SP1: variants seen among roughly 807,000 people sequenced by gnomAD.
The protein encoded by SP1 is Sp1 transcription factor, also known as transcription factor Sp1.
A neutral mutation model predicts 66.3 loss-of-function variants in SP1; 6 were observed. That is an observed-to-expected ratio of 0.09 (90% confidence interval 0.05 to 0.18). SP1 has a LOEUF of 0.18. Ranked by LOEUF, SP1 falls within the 10% of genes least tolerant of loss-of-function variation. The probability of loss-of-function intolerance (pLI) is 1.00; values close to 1 mark genes in which losing one functional copy is unlikely to be tolerated. For missense variants in SP1, 848 were observed against 964.5 expected, an observed-to-expected ratio of 0.88 and a Z score of 1.60; for synonymous variants, 417 against 360.8, an observed-to-expected ratio of 1.16 and a Z score of -1.77.
rs201937295 is a variant in SP1, at chr12:53,385,912, C to CAA, written c.1675+2305_1675+2306dup. Among the ~76,000 whole-genome samples the CAA allele has an allele frequency of 1.7e-3, 171 of 101,930 alleles. 1 individual carries two copies. Among genetic ancestry groups the CAA allele is most frequent in the African/African-American group, 4.9e-3 (134 of 27,224 alleles). The allele number at this position is 101,930 out of a possible 152,430, so 66.9% of individuals were successfully genotyped here. A position where few individuals can be genotyped will look rare whatever the true frequency, so the allele number is the denominator to read the frequency against. The stretch of plus-strand genomic sequence containing the variant: ...TGGGTGACAGAGTGAGACTCCGTCT[C>CAA]AAAAAAAAAAAAAAAATTGATTATG... On this transcript the variant is annotated intron_variant, in intron 3 of 5. Coordinates refer to ENST00000327443, the MANE Select transcript of SP1 (RefSeq NM_138473.3).
At chr12:53,384,841 C>G (rs185412504) in intron 3 of SP1, among the ~76,000 whole-genome samples, 55 of 151,908 alleles carry the variant, frequency 3.6e-4, no homozygotes, top group African/African-American at 1.3e-3. Context: ...AAAAATTGGC[C>G]GGGTGTGGTG....
chr12:53,384,979 T>C (rs1220513886), intron 3 of SP1, among the ~76,000 whole-genome samples: 1 of 118,978 alleles, frequency 8.4e-6, no homozygotes, highest in African/African-American at 4.8e-5. Context: ...AGTGAGACTC[T>C]GAAAAAAAAA....
In SP1 at chr12:53,413,520, G is replaced by C. The variant is rs1360089914; in HGVS notation, c.*2280G>C. The stretch of plus-strand genomic sequence containing the variant: ...TCCATTTGGTCCTTTCTCCACAGAT[G>C]TAATTATGTTTTCAACTCAGGAACT... On this transcript the variant is annotated 3_prime_UTR_variant, in exon 6 of 6. Transcript: ENST00000327443. The C allele has an allele frequency of 4.6e-5, 7 of 152,590 alleles. No individual in the cohort carries two copies. Among genetic ancestry groups the C allele is most frequent in the Non-Finnish European group, 1.5e-5 (1 of 68,040 alleles). The allele number at this position is 152,590 out of a possible 1,614,324, so 9.5% of individuals were successfully genotyped here.
intron 3 of SP1, among the ~76,000 whole-genome samples, chr12:53,404,150 G>A (rs1383416874): frequency 2.7e-5 from 4 of 149,314 alleles, no homozygotes; most frequent in African/African-American, 9.9e-5. Flanking sequence ...CAGCCTGGGC[G>A]ACAGAGCGAG....
In SP1 at chr12:53,412,930, C is replaced by CTGTGTGTG. The variant is rs57242856; in HGVS notation, c.*1720_*1727dup. ...TGTGAGGAAGTGTGGAAAAATAGCTCTGTGTGTGTGTGTGTGTGTGTGTGT... is the reference window on the plus strand; with the variant it reads ...TGTGAGGAAGTGTGGAAAAATAGCTCTGTGTGTGTGTGTGTGTGTGTGTGTGTGTGTGT... On this transcript the variant is annotated 3_prime_UTR_variant, in exon 6 of 6. Coordinates refer to ENST00000327443, the MANE Select transcript of SP1 (RefSeq NM_138473.3). 145 of 147,438 alleles carry CTGTGTGTG rather than the reference C, an allele frequency of 9.8e-4. 1 individual carries two copies. The highest frequency in any genetic ancestry group is 3.0e-3 in the African/African-American group (122 of 40,042). 9.1% of individuals were successfully genotyped at this position (147,438 alleles called of 1,614,324 possible).
chr12:53,381,062 C>G lies in SP1; in HGVS notation c.8-597C>G, dbSNP rs1242966395. Among the ~76,000 whole-genome samples, 5 of 150,454 alleles carry G rather than the reference C, an allele frequency of 3.3e-5. No homozygotes were observed. In the Admixed American group the frequency reaches 3.3e-4, roughly 10 times the overall value. On this transcript the variant is annotated intron_variant, in intron 1 of 5. Coordinates refer to ENST00000327443, the MANE Select transcript of SP1 (RefSeq NM_138473.3). ...TGCCTCCCGGATTCAGGCGATTCTC[C>G]TGCCTCAGCCTCCGGGAGTAGCTGG...
intron 3 of SP1, among the ~76,000 whole-genome samples, chr12:53,400,626 C>T (rs1938589016): frequency 6.6e-6 from 1 of 151,964 alleles, no homozygotes; most frequent in Non-Finnish European, 1.5e-5. Flanking sequence ...CAGAGCCTTG[C>T]TCCGTCGCCC....
intron 3 of SP1, among the ~76,000 whole-genome samples, chr12:53,387,106 A>G (rs559626147): frequency 6.6e-6 from 1 of 151,934 alleles, no homozygotes; most frequent in South Asian, 2.1e-4. Flanking sequence ...ACGTCCCACC[A>G]TGCCCATTAA....
At chr12:53,401,666 A>G (rs1001350378) in intron 3 of SP1, among the ~76,000 whole-genome samples, 1 of 152,048 alleles carries the variant, frequency 6.6e-6, no homozygotes, top group African/African-American at 2.4e-5. Context: ...ATCTTATTTC[A>G]TGATTACTTA....
chr12:53,381,440 T>C (rs745966692), intron 1 of SP1: 8 of 399,718 alleles, frequency 2.0e-5, no homozygotes, highest in Non-Finnish European at 2.7e-5. Context: ...AGTTTAATTT[T>C]GTACAAGGGA....
In SP1 at chr12:53,382,671, G is replaced by C; in HGVS notation, c.724G>C (p.Ala242Pro). The part of the protein sequence containing the change: ...LQQAVPLQGL[A>P]NNVLSGQTQY... Reference sequence around the variant, plus strand: ...GCAGGCTGTCCCCCTCCAAGGCCTGGCTAATAATGTACTCTCAGGACAGAC... The same window carrying C: ...GCAGGCTGTCCCCCTCCAAGGCCTGCCTAATAATGTACTCTCAGGACAGAC... Residue 242 changes from alanine (A) to proline (P), a missense_variant, in exon 3 of 6, where the codon GCT becomes CCT. Transcript: ENST00000327443. The C allele has an allele frequency of 1.2e-6, 2 of 1,614,106 alleles. No individual in the cohort carries two copies. Among genetic ancestry groups the C allele is most frequent in the Non-Finnish European group, 8.5e-7 (1 of 1,179,994 alleles).
Position 53,382,320 on chromosome 12 carries a change from G to A in SP1, c.373G>A (p.Gly125Ser). The change falls in exon 3 of 6, where the codon GGC becomes AGC. Residue 125 changes from glycine (G) to serine (S), a missense_variant. Coordinates refer to ENST00000327443, the MANE Select transcript of SP1 (RefSeq NM_138473.3). ...TACCCCTACCTCAAAGGAACAGAGT[G>A]GCAGCAGTACCAATGGCAGCAATGG... ...GATPTSKEQS[G>S]SSTNGSNGSE... 1 of 1,614,156 alleles carries A rather than the reference G, an allele frequency of 6.2e-7. No individual in the cohort carries two copies. Among genetic ancestry groups the A allele is most frequent in the Middle Eastern group, 1.6e-4 (1 of 6,062 alleles).
intron 3 of SP1, among the ~76,000 whole-genome samples, chr12:53,384,797 C>G (rs1046758736): frequency 2.6e-5 from 4 of 151,316 alleles, no homozygotes; most frequent in Admixed American, 1.3e-4. Context: ...CCGGCTGGGG[C>G]AACATGGCGA....
At position 53,398,075 on chromosome 12, in the gene SP1, T is replaced by C. The variant is rs190386435; in HGVS notation, c.1676-8510T>C. Among the ~76,000 whole-genome samples, 123 of 152,334 alleles carry C rather than the reference T, an allele frequency of 8.1e-4. 1 individual carries two copies. The East Asian group carries it at 0.023, about 28-fold the overall frequency. On this transcript the variant is annotated intron_variant, in intron 3 of 5. Transcript: ENST00000327443. ...TTAAACTATTTTGGTCTGAACTGAC[T>C]GTTAATTTAGTGGAATTTCTTGACT...
rs980496806 is a variant in SP1, at chr12:53,413,025, A to G, written c.*1785A>G. 6.6e-5 allele frequency: 10 copies of G among 151,708 alleles called. No homozygotes were observed. Among genetic ancestry groups the G allele is most frequent in the Non-Finnish European group, 1.5e-4 (10 of 67,986 alleles). 9.4% of individuals were successfully genotyped at this position (151,708 alleles called of 1,614,324 possible). A position where few individuals can be genotyped will look rare whatever the true frequency, so the allele number is the denominator to read the frequency against. ...GCCAATATTAAAAGAGACCTGCAAT[A>G]AAAAAATTACCCTGATCTGATAGAA... On this transcript the variant is annotated 3_prime_UTR_variant, in exon 6 of 6. Coordinates refer to ENST00000327443, the MANE Select transcript of SP1 (RefSeq NM_138473.3).
At chr12:53,387,452 G>A (rs1286119785) in intron 3 of SP1, among the ~76,000 whole-genome samples, 1 of 152,158 alleles carries the variant, frequency 6.6e-6, no homozygotes, top group Non-Finnish European at 1.5e-5. Context: ...GGTGTGTTTA[G>A]AAATACTACA....
At chr12:53,380,320 G>A (rs746061567) in intron 1 of SP1, 22 bp downstream of exon 1, 2 of 1,531,196 alleles carry the variant, frequency 1.3e-6, no homozygotes, top group Non-Finnish European at 1.8e-6. Context: ...TCCACTCCAA[G>A]CTTAGGGGTG....
chr12:53,383,491 C>T lies in SP1; in HGVS notation c.1544C>T (p.Thr515Ile). The T allele has an allele frequency of 6.2e-7, 1 of 1,614,214 alleles. No homozygotes were observed. Among genetic ancestry groups the T allele is most frequent in the Non-Finnish European group, 8.5e-7 (1 of 1,180,042 alleles). Residue 515 changes from threonine to isoleucine, a missense_variant, in exon 3 of 6, where the codon ACA (threonine) becomes ATA (isoleucine). By Grantham distance (89) the Thr-to-Ile change is moderately conservative (BLOSUM62 -1). Around this residue, in one of 7 missense-constraint regions of SP1, gnomAD observed 606 missense variants for 589.9 expected, o/e 1.03. Coordinates refer to ENST00000327443, the MANE Select transcript of SP1 (RefSeq NM_138473.3). ...IASAASIPAG[T>I]VTVNAAQLSS... ...TCAGCTGCTTCCATTCCTGCTGGCA[C>T]AGTCACTGTGAATGCTGCTCAACTC... is the stretch of plus-strand genomic sequence containing the variant.
chr12:53,386,220 C>G (rs1041470270), intron 3 of SP1, among the ~76,000 whole-genome samples: 1 of 151,934 alleles, frequency 6.6e-6, no homozygotes. Flanking sequence ...GTCTAACTTC[C>G]TAGACTGCTT....
Sources: gnomAD v4.1 joint callset for allele counts (sites outside exome capture counted in the v4.1 genomes callset) on GRCh38, gnomAD v4.1.1 for gene constraint, gnomAD v4.1.1 regional missense constraint, MANE v1.5 for transcripts, NCBI Gene and HGNC (gene_info 2026-07-23, HGNC 2026-07-21) for gene names.